The following MICU1 variants were observed in gnomAD, a reference collection of about 807,000 sequenced individuals.
MICU1 encodes the protein mitochondrial calcium uptake 1, also known as calcium uptake protein 1, mitochondrial.
In MICU1, 45 loss-of-function variants were observed where a neutral mutation model predicts 56.8. The ratio of observed to expected loss-of-function variants is 0.79; its 90% CI spans 0.62 to 1.02. The LOEUF is 1.02. MICU1 is among the 50% of genes least tolerant of loss of function. The pLI is 0.00. For missense variants in MICU1, 504 were observed against 587.1 expected, an observed-to-expected ratio of 0.86 and a Z score of 1.46; for synonymous variants, 186 against 195.1, an observed-to-expected ratio of 0.95 and a Z score of 0.39.
Position 72,489,916 on chromosome 10 carries a change from T to C in MICU1, c.653-12660A>G, listed in dbSNP as rs558241849. Among the ~76,000 whole-genome samples the C allele has an allele frequency of 2.0e-5, 3 of 152,310 alleles. No homozygotes were observed. In the East Asian group the frequency reaches 5.8e-4, roughly 29 times the overall value. On this transcript the variant is annotated intron_variant, in intron 6 of 11. Transcript: ENST00000361114. Reference sequence around the variant, plus strand: ...GAGATACGGTGTATATAAATACAACTGGGAAGTCATCTTTCCGAAATTTCT... The same window carrying C: ...GAGATACGGTGTATATAAATACAACCGGGAAGTCATCTTTCCGAAATTTCT...
chr10:72,435,578 A>G (rs1382897913), intron 8 of MICU1, among the ~76,000 whole-genome samples: 1 of 152,098 alleles, frequency 6.6e-6, no homozygotes, highest in African/African-American at 2.4e-5. Flanking sequence ...GAGCTGAAGC[A>G]GGGCGGGGTG....
intron 5 of MICU1, among the ~76,000 whole-genome samples, chr10:72,519,068 A>G (rs1054584725): frequency 6.6e-6 from 1 of 152,238 alleles, no homozygotes; most frequent in Non-Finnish European, 1.5e-5. Context: ...TTACATTTCA[A>G]ACTTGATTCC....
intron 1 of MICU1, among the ~76,000 whole-genome samples, chr10:72,590,983 AAGTT>A (rs933814153): frequency 3.9e-4 from 59 of 152,228 alleles, no homozygotes; most frequent in African/African-American, 1.3e-3. Context: ...AATGAGCTAA[AAGTT>A]AGGCCACAAA....
intron 10 of MICU1, among the ~76,000 whole-genome samples, chr10:72,391,010 C>T (rs912729586): frequency 6.6e-6 from 1 of 152,230 alleles, no homozygotes; most frequent in Non-Finnish European, 1.5e-5. Context: ...ACTAATCGTT[C>T]ACCACATGAC....
rs1227316205 is a variant in MICU1 at position 72,448,199 on chromosome 10, T to A, written c.934-24828A>T. Among the ~76,000 whole-genome samples, 176 of 118,884 alleles carry A rather than the reference T, an allele frequency of 1.5e-3. 1 individual carries two copies. Among genetic ancestry groups the A allele is most frequent in the East Asian group, 9.3e-3 (40 of 4,310 alleles). 78.0% of individuals were successfully genotyped at this position (118,884 alleles called of 152,430 possible). A position where few individuals can be genotyped will look rare whatever the true frequency, so the allele number is the denominator to read the frequency against. On this transcript the variant is annotated intron_variant, in intron 8 of 11. Coordinates refer to ENST00000361114, the MANE Select transcript of MICU1 (RefSeq NM_001195518.2). ...TATATATATATATATATATATTTTT[T>A]TTTTTTTTTTTTTTTTTTGAGACAA...
intron 10 of MICU1, among the ~76,000 whole-genome samples, chr10:72,398,225 A>T (rs982676743): frequency 2.6e-5 from 4 of 152,212 alleles, no homozygotes; most frequent in Non-Finnish European, 5.9e-5. Flanking sequence ...AGAAATAAAG[A>T]TGTTCTTTGA....
chr10:72,600,511 C>T (rs536758316), intron 1 of MICU1, among the ~76,000 whole-genome samples: 46 of 150,648 alleles, frequency 3.1e-4, no homozygotes, highest in African/African-American at 9.0e-4. Flanking sequence ...TAGCTGGGCA[C>T]GGTGATGCAC....
At chr10:72,548,944 G>A (rs945988924) in intron 4 of MICU1, among the ~76,000 whole-genome samples, 3 of 152,160 alleles carry the variant, frequency 2.0e-5, no homozygotes, top group African/African-American at 7.2e-5. Context: ...AGATCTGCCT[G>A]CCTCAGCCTC....
intron 5 of MICU1, chr10:72,509,358 T>G: frequency 3.0e-6 from 4 of 1,331,438 alleles, no homozygotes; most frequent in Non-Finnish European, 4.0e-6. Context: ...ACAAGCACCA[T>G]CACACCAGCA....
intron 1 of MICU1, among the ~76,000 whole-genome samples, chr10:72,587,447 A>T (rs1022273421): frequency 7.0e-6 from 1 of 142,358 alleles, no homozygotes; most frequent in African/African-American, 2.7e-5. Context: ...CTGGACAACA[A>T]GAGTGGCAGC....
Position 72,416,625 on chromosome 10 carries a change from C to T in MICU1, c.1071+6609G>A, listed in dbSNP as rs1863991921. ...AGCAGAATTAATAAGCAATCATACACACAGAAGGCTGTTGGGGATAGGGCT... is the reference window on the plus strand; with the variant it reads ...AGCAGAATTAATAAGCAATCATACATACAGAAGGCTGTTGGGGATAGGGCT... On this transcript the variant is annotated intron_variant, in intron 9 of 11. Coordinates refer to ENST00000361114, the MANE Select transcript of MICU1 (RefSeq NM_001195518.2). Among the ~76,000 whole-genome samples, 3 of 152,148 alleles carry T rather than the reference C, an allele frequency of 2.0e-5. No individual in the cohort carries two copies. The South Asian group carries it at 6.2e-4, about 31-fold the overall frequency.
chr10:72,596,565 AAAAC>A (rs751051753), intron 1 of MICU1, among the ~76,000 whole-genome samples: 2 of 152,182 alleles, frequency 1.3e-5, no homozygotes, highest in South Asian at 2.1e-4. Context: ...TAAGAATTCA[AAAAC>A]AAACAAAAAT....
chr10:72,500,302 ATTTTTTTTTT>A (rs542725786), intron 6 of MICU1, among the ~76,000 whole-genome samples: 9 of 10,674 alleles, frequency 8.4e-4, no homozygotes, highest in African/African-American at 1.5e-3. Context: ...ATATATATAT[ATTTTTTTTTT>A]TTTTTTTTTT....
intron 1 of MICU1, among the ~76,000 whole-genome samples, chr10:72,589,165 T>C (rs1367208811): frequency 2.0e-5 from 3 of 152,038 alleles, no homozygotes; most frequent in African/African-American, 7.2e-5. Context: ...GGCAGGCGCC[T>C]GTAATCCCAG....
chr10:72,549,038 A>G (rs1161938491), intron 4 of MICU1, among the ~76,000 whole-genome samples: 2 of 152,120 alleles, frequency 1.3e-5, no homozygotes, highest in Non-Finnish European at 2.9e-5. Flanking sequence ...TACATTTTGG[A>G]GGGGTGATGG....
At chr10:72,405,576 C>CAA (rs60182582) in intron 10 of MICU1, among the ~76,000 whole-genome samples, 1,725 of 129,604 alleles carry the variant, frequency 0.013, 11 homozygotes, top group Non-Finnish European at 0.019. Context: ...AAAGACATTA[C>CAA]AAAAAAAAAA....
chr10:72,624,612 T>TA (rs1260142991), intron 1 of MICU1, among the ~76,000 whole-genome samples: 1 of 152,202 alleles, frequency 6.6e-6, no homozygotes, highest in Non-Finnish European at 1.5e-5. Context: ...TAGCTTCTAT[T>TA]AGTTTCTATC....
intron 1 of MICU1, among the ~76,000 whole-genome samples, chr10:72,596,355 T>C (rs997123472): frequency 1.3e-5 from 2 of 151,572 alleles, no homozygotes; most frequent in African/African-American, 4.9e-5. Flanking sequence ...GGAGGATTGC[T>C]TGAGCCCGGG....
chr10:72,503,865 GAC>G (rs59119352), intron 6 of MICU1, among the ~76,000 whole-genome samples: 9,238 of 146,134 alleles, frequency 0.063, 456 homozygotes, highest in East Asian at 0.16. Context: ...ATTTACAATA[GAC>G]ACACACACAC....
Sources: allele counts gnomAD v4.1 joint callset (sites outside exome capture counted in the v4.1 genomes callset), GRCh38; gene constraint gnomAD v4.1.1; transcripts MANE v1.5; gene names NCBI Gene and HGNC (gene_info 2026-07-23, HGNC 2026-07-21).